SGIP1: variants seen among roughly 807,000 people sequenced by gnomAD.
The protein encoded by SGIP1 is SH3-containing GRB2-like protein 3-interacting protein 1.
Under a neutral mutation model 107.5 loss-of-function variants are expected in SGIP1, and 38 were observed. The observed-to-expected ratio is 0.35, with a 90% CI of 0.27 to 0.46. The LOEUF is 0.46. Among genes scored for constraint, SGIP1 ranks in the 20% least tolerant of loss-of-function variants. The pLI, the probability that SGIP1 is intolerant of heterozygous loss-of-function variation, is 1.00. For missense variants in SGIP1, 929 were observed against 1,019.5 expected (o/e 0.91, Z 1.21); for synonymous variants, 365 against 366.1 (o/e 1.00, Z 0.03).
chr1:66,713,889 G>C (rs2093073096), intron 18 of SGIP1, among the ~76,000 whole-genome samples: 3 of 152,044 alleles, frequency 2.0e-5, no homozygotes. Flanking sequence ...GAAAAATTAG[G>C]CACACATGCG....
At chr1:66,537,000 C>A (rs1318330785) in intron 1 of SGIP1, among the ~76,000 whole-genome samples, 1 of 152,074 alleles carries the variant, frequency 6.6e-6, no homozygotes, top group Non-Finnish European at 1.5e-5. Context: ...TTGTGTGGAA[C>A]AGGATATAGG....
chr1:66,694,806 G>A (rs899904669), intron 17 of SGIP1: 2 of 317,940 alleles, frequency 6.3e-6, no homozygotes, highest in Non-Finnish European at 1.1e-5. Context: ...AGAATTACAT[G>A]TCCGGTCACT....
chr1:66,637,454 T>TG (rs1491265963), intron 4 of SGIP1, among the ~76,000 whole-genome samples: 95 of 20,530 alleles, frequency 4.6e-3, no homozygotes, highest in African/African-American at 0.031. Context: ...TGTGTGTGTG[T>TG]TTGTGTGTGT....
rs376345149 is a variant in SGIP1 at position 66,677,039 on chromosome 1, C to A, written c.682C>A (p.Gln228Lys). 1.2e-5 allele frequency: 19 copies of A among 1,613,630 alleles called. No homozygotes were observed. The highest frequency in any genetic ancestry group is 1.5e-5 in the Non-Finnish European group (18 of 1,179,918). ...LDQPEIWGSG[Q>K]PINPSMESPK... Reference sequence around the variant, plus strand: ...TCAGCCTGAGATATGGGGTTCAGGCCAACCAATTAATCCAAGCATGGAGTC... The same window carrying A: ...TCAGCCTGAGATATGGGGTTCAGGCAAACCAATTAATCCAAGCATGGAGTC... Residue 228 changes from glutamine to lysine, a missense_variant, in exon 13 of 25, where the codon CAA (glutamine) becomes AAA (lysine). Gln to Lys is a moderately conservative substitution (Grantham distance 53). Around this residue, in one of 2 missense-constraint regions of SGIP1, gnomAD observed 588 missense variants for 588.6 expected, o/e 1.00. Transcript: ENST00000371037.
At chr1:66,686,323 G>A (rs934586056) in intron 15 of SGIP1, among the ~76,000 whole-genome samples, 3 of 152,148 alleles carry the variant, frequency 2.0e-5, no homozygotes, top group African/African-American at 7.2e-5. Flanking sequence ...ATTAGACCAG[G>A]TTGAGAACAA....
chr1:66,603,937 T>C (rs1204043397), intron 1 of SGIP1, among the ~76,000 whole-genome samples: 1 of 152,162 alleles, frequency 6.6e-6, no homozygotes, highest in African/African-American at 2.4e-5. Flanking sequence ...ATACTAAGAA[T>C]CGGAAAAGAG....
chr1:66,677,485 G>T (rs1256450571), intron 13 of SGIP1, among the ~76,000 whole-genome samples: 1 of 152,190 alleles, frequency 6.6e-6, no homozygotes. Context: ...ATCCTATAGA[G>T]CAACTGAGGC....
chr1:66,702,194 C>T (rs1398066429), intron 18 of SGIP1, among the ~76,000 whole-genome samples: 1 of 152,142 alleles, frequency 6.6e-6, no homozygotes. Context: ...AACAAAGGCT[C>T]TGAGCATTTA....
chr1:66,542,473 C>T (rs1037345813), intron 1 of SGIP1, among the ~76,000 whole-genome samples: 1 of 152,052 alleles, frequency 6.6e-6, no homozygotes, highest in Admixed American at 6.6e-5. Context: ...CAGCGTTAGG[C>T]TGCCATTGAC....
intron 1 of SGIP1, among the ~76,000 whole-genome samples, chr1:66,610,075 C>G (rs1200051161): frequency 6.6e-6 from 1 of 152,060 alleles, no homozygotes; most frequent in Non-Finnish European, 1.5e-5. Context: ...ATTAGCGTCA[C>G]TGGAAATGTG....
chr1:66,739,264 A>G, intron 21 of SGIP1, 71 bp from the exon 22 acceptor site: 1 of 1,520,694 alleles, frequency 6.6e-7, no homozygotes, highest in Non-Finnish European at 9.0e-7. Context: ...TAAACAACAT[A>G]TGACATTTTG....
In SGIP1 at chr1:66,553,237, G is replaced by A. The variant is rs12094128; in HGVS notation, c.10+18869G>A. Reference sequence around the variant, plus strand: ...ATAGATGATAACTTTATATGCATGCGGGGAACAGAGACAGTAAAGAAGAAT... The same window carrying A: ...ATAGATGATAACTTTATATGCATGCAGGGAACAGAGACAGTAAAGAAGAAT... On this transcript the variant is annotated intron_variant, in intron 1 of 24. Transcript: ENST00000371037. Among the ~76,000 whole-genome samples, 689 of 152,182 alleles carry A rather than the reference G, an allele frequency of 4.5e-3. 8 individuals are homozygous for A. Among genetic ancestry groups the A allele is most frequent in the African/African-American group, 0.016 (658 of 41,532 alleles).
chr1:66,632,340 G>A (rs2149391702), intron 2 of SGIP1, among the ~76,000 whole-genome samples: 1 of 152,294 alleles, frequency 6.6e-6, no homozygotes. Flanking sequence ...GCAAAATGTT[G>A]TTCTCCATTT....
intron 4 of SGIP1, among the ~76,000 whole-genome samples, chr1:66,637,830 CATATACATACACACAT>C (rs999995485): frequency 5.5e-5 from 8 of 146,640 alleles, no homozygotes; most frequent in African/African-American, 1.8e-4. Context: ...TATGTGTGTA[CATATACATACACACAT>C]ATATACATAC....
intron 2 of SGIP1, among the ~76,000 whole-genome samples, chr1:66,632,201 G>T (rs747998195): frequency 6.6e-6 from 1 of 152,190 alleles, no homozygotes; most frequent in Admixed American, 6.5e-5. Flanking sequence ...GAGGTTAAGT[G>T]TTCAAGGTCA....
chr1:66,563,175 C>T (rs965987450), intron 1 of SGIP1, among the ~76,000 whole-genome samples: 1 of 151,902 alleles, frequency 6.6e-6, no homozygotes, highest in African/African-American at 2.4e-5. Context: ...ACAAGAGATG[C>T]CTAAGAGGGA....
At chr1:66,563,549 T>G (rs554848303) in intron 1 of SGIP1, among the ~76,000 whole-genome samples, 36 of 152,104 alleles carry the variant, frequency 2.4e-4, no homozygotes, top group Non-Finnish European at 2.2e-4. Context: ...GGGAAGACTG[T>G]GCTTTGATGA....
chr1:66,659,371 A>T (rs1388653767), intron 7 of SGIP1, among the ~76,000 whole-genome samples: 3 of 152,158 alleles, frequency 2.0e-5, no homozygotes, highest in Non-Finnish European at 4.4e-5. Flanking sequence ...ATTGTCTATG[A>T]AGAATAGGGG....
intron 1 of SGIP1, among the ~76,000 whole-genome samples, chr1:66,560,926 A>C (rs2058842624): frequency 6.6e-6 from 1 of 152,084 alleles, no homozygotes; most frequent in African/African-American, 2.4e-5. Context: ...AGAAAAGTGC[A>C]CTTAGCATAG....
Sources: allele counts gnomAD v4.1 joint callset (sites outside exome capture counted in the v4.1 genomes callset), GRCh38; gene constraint gnomAD v4.1.1; regional missense constraint gnomAD v4.1.1; transcripts MANE v1.5; gene names NCBI Gene and HGNC (gene_info 2026-07-23, HGNC 2026-07-21).